Variants in FSTL4 observed in about 807,000 individuals in gnomAD.
FSTL4 encodes follistatin like 4, also known as follistatin-related protein 4.
Under a neutral mutation model 78.2 loss-of-function variants are expected in FSTL4, and 28 were observed. The observed-to-expected ratio is 0.36, with a 90% CI of 0.27 to 0.49. The LOEUF is 0.49. FSTL4 is among the 20% of genes least tolerant of loss of function. The probability of loss-of-function intolerance (pLI) is 0.98; values close to 1 mark genes in which losing one functional copy is unlikely to be tolerated. For synonymous variants in FSTL4, 422 were observed against 440.5 expected (o/e 0.96, Z 0.53); for missense variants, 922 against 1,084.9 (o/e 0.85, Z 2.11).
At chr5:133,795,309 G>A in the FSTL4 span, among the ~76,000 whole-genome samples, 30 of 152,322 alleles carry the variant, frequency 2.0e-4, no homozygotes, top group East Asian at 4.6e-3. Context: ...ATGCGCCTGC[G>A]CCCTGCAAGC....
chr5:133,834,267 A>G, the FSTL4 span, among the ~76,000 whole-genome samples: 1 of 152,200 alleles, frequency 6.6e-6, no homozygotes, highest in Non-Finnish European at 1.5e-5. Context: ...AGCAATAAAC[A>G]TGGGCACCCC....
At chr5:133,358,591 C>CTTTTT (rs1173835923) in intron 4 of FSTL4, among the ~76,000 whole-genome samples, 16 of 115,408 alleles carry the variant, frequency 1.4e-4, no homozygotes, top group Non-Finnish European at 1.7e-4. Flanking sequence ...GGTTCTATTT[C>CTTTTT]TTTTTTTTTT....
At chr5:133,747,727 A>G in the FSTL4 span, among the ~76,000 whole-genome samples, 2 of 152,192 alleles carry the variant, frequency 1.3e-5, no homozygotes, top group African/African-American at 4.8e-5. Context: ...GCTGCTGGGA[A>G]ACTTCTCTGT....
At chr5:133,243,692 G>A (rs1286405792) in intron 7 of FSTL4, 2 of 152,274 alleles carry the variant, frequency 1.3e-5, no homozygotes, top group Non-Finnish European at 2.9e-5. Flanking sequence ...CAGGGGTATG[G>A]GATGAGCTGA....
At chr5:133,596,902 T>C (rs1451074951) in intron 2 of FSTL4, among the ~76,000 whole-genome samples, 3 of 152,218 alleles carry the variant, frequency 2.0e-5, no homozygotes, top group African/African-American at 4.8e-5. Context: ...AGGAAAGACA[T>C]TGGGTTTCTC....
intron 3 of FSTL4, among the ~76,000 whole-genome samples, chr5:133,549,822 A>G (rs61528910): frequency 0.019 from 2,886 of 152,322 alleles, 96 homozygotes; most frequent in African/African-American, 0.065. Context: ...TCTCAGAGGA[A>G]ACATTTTGGC....
intron 3 of FSTL4, among the ~76,000 whole-genome samples, chr5:133,480,900 CAAGAA>C (rs1206751010): frequency 6.6e-6 from 1 of 152,076 alleles, no homozygotes; most frequent in East Asian, 1.9e-4. Flanking sequence ...GCAAAACTTC[CAAGAA>C]AAGAGCAGCT....
At chr5:133,789,245 G>A in the FSTL4 span, among the ~76,000 whole-genome samples, 1,349 of 152,266 alleles carry the variant, frequency 8.9e-3, 27 homozygotes, top group African/African-American at 0.031. Context: ...GCATCCGAAG[G>A]GAACCTCACC....
intron 3 of FSTL4, 78 bp from the exon 4 acceptor site, chr5:133,401,064 C>A: frequency 6.6e-7 from 1 of 1,521,318 alleles, no homozygotes; most frequent in Non-Finnish European, 9.0e-7. Context: ...TTGTAGCTCA[C>A]AAGCACAGAC....
the FSTL4 span, among the ~76,000 whole-genome samples, chr5:133,799,340 C>T: frequency 0.02 from 2,804 of 138,428 alleles, 514 homozygotes; most frequent in African/African-American, 0.069. Flanking sequence ...GTGACCAGCA[C>T]CCATTCAAGC....
In FSTL4 at chr5:133,410,861, T is replaced by C. The variant is rs1017306281; in HGVS notation, c.161-9875A>G. Among the ~76,000 whole-genome samples the C allele has an allele frequency of 5.9e-5, 9 of 152,226 alleles. 1 individual carries two copies. The highest frequency in any genetic ancestry group is 5.2e-4 in the Admixed American group (8 of 15,280). ...GATTATCAGCCATAAAAACATGCACTGGATAATATCAAGACAAAGCTTAGT... is the reference window on the plus strand; with the variant it reads ...GATTATCAGCCATAAAAACATGCACCGGATAATATCAAGACAAAGCTTAGT... On this transcript the variant is annotated intron_variant, in intron 3 of 15. Coordinates refer to ENST00000265342, the MANE Select transcript of FSTL4 (RefSeq NM_015082.2).
chr5:133,405,542 G>C (rs1360245658), intron 3 of FSTL4, among the ~76,000 whole-genome samples: 1 of 152,222 alleles, frequency 6.6e-6, no homozygotes, highest in African/African-American at 2.4e-5. Flanking sequence ...GGTCATGGTT[G>C]GGTTTCTCAA....
the FSTL4 span, among the ~76,000 whole-genome samples, chr5:133,813,854 G>A: frequency 2.0e-5 from 3 of 152,144 alleles, no homozygotes; most frequent in African/African-American, 7.2e-5. Flanking sequence ...ACTTTAATAG[G>A]GATCTGCTTC....
rs141353928 is a variant in FSTL4, at chr5:133,221,017, GCAGC to G, written c.1340-155_1340-152del. 3,695 of 725,102 alleles carry G rather than the reference GCAGC, an allele frequency of 5.1e-3. 91 individuals are homozygous for G. The African/African-American group carries it at 0.055, about 11-fold the overall frequency. 44.9% of individuals were successfully genotyped at this position (725,102 alleles called of 1,614,324 possible). A position where few individuals can be genotyped will look rare whatever the true frequency, so the allele number is the denominator to read the frequency against. The stretch of plus-strand genomic sequence containing the variant: ...TCCTGGTCAGGGTGGGGTAGAATGA[GCAGC>G]CAGCTTGTAGCTGGATGGGTGCAGA... On this transcript the variant is annotated intron_variant, in intron 11 of 15. Transcript: ENST00000265342.
At chr5:133,613,418 T>A (rs1295169643), upstream of FSTL4, among the ~76,000 whole-genome samples, 1 of 152,144 alleles carries the variant, frequency 6.6e-6, no homozygotes, top group Non-Finnish European at 1.5e-5. Context: ...AGGTGAACAG[T>A]GTTCTGTCCA....
the FSTL4 span, among the ~76,000 whole-genome samples, chr5:133,705,867 A>G: frequency 1.5e-5 from 2 of 132,450 alleles, no homozygotes; most frequent in African/African-American, 3.0e-5. Flanking sequence ...GCACACACAC[A>G]CGCACACACA....
chr5:133,382,210 G>T lies in FSTL4; in HGVS notation c.409+18528C>A, dbSNP rs113095427. On this transcript the variant is annotated intron_variant, in intron 4 of 15. Transcript: ENST00000265342. ...GCCAAAATCCTCCTGGTTCTCAGAT[G>T]CCTGGCCTTCCCTACATCACTGACT... Among the ~76,000 whole-genome samples, 478 of 152,292 alleles carry T rather than the reference G, an allele frequency of 3.1e-3. 4 individuals carry two copies. The highest frequency in any genetic ancestry group is 0.011 in the African/African-American group (452 of 41,546).
the FSTL4 span, among the ~76,000 whole-genome samples, chr5:133,650,325 A>G: frequency 2.0e-5 from 3 of 152,168 alleles, no homozygotes; most frequent in African/African-American, 7.2e-5. Context: ...TATTTCTTTT[A>G]TGGGTTGTGC....
the FSTL4 span, among the ~76,000 whole-genome samples, chr5:133,791,634 T>C: frequency 2.6e-5 from 4 of 152,246 alleles, no homozygotes; most frequent in Non-Finnish European, 5.9e-5. Context: ...TTTCCCTGGA[T>C]GTCCCTCCCC....
Sources: allele counts gnomAD v4.1 joint callset (sites outside exome capture counted in the v4.1 genomes callset), GRCh38; gene constraint gnomAD v4.1.1; transcripts MANE v1.5; gene names NCBI Gene and HGNC (gene_info 2026-07-23, HGNC 2026-07-21).